Variants in PCDHA5 observed in about 807,000 individuals in gnomAD.
PCDHA5 encodes protocadherin alpha 5.
PCDHA5 carries 43 observed loss-of-function variants against 61.6 expected under a neutral mutation model. The ratio of observed to expected loss-of-function variants is 0.70; its 90% CI spans 0.55 to 0.90. The LOEUF (loss-of-function observed/expected upper bound fraction) is 0.90. PCDHA5 is among the 40% of genes least tolerant of loss of function. The pLI, the probability that PCDHA5 is intolerant of heterozygous loss-of-function variation, is 0.00. For missense variants in PCDHA5, 1,298 were observed against 1,222.7 expected (o/e 1.06, Z -0.92); for synonymous variants, 627 against 543.9 (o/e 1.15, Z -2.13).
In PCDHA5 at chr5:140,870,897, G is replaced by A. The variant is rs372076650; in HGVS notation, c.2352+46770G>A. 4 of 1,613,942 alleles carry A rather than the reference G, an allele frequency of 2.5e-6. No individual in the cohort carries two copies. In the African/African-American group the frequency reaches 4.0e-5, roughly 16 times the overall value. Reference sequence around the variant, plus strand: ...TGGCGAAGGTGCGCGCAGTGGATGCGGACTCAGGCTACAACGCGTGGCTTT... The same window carrying A: ...TGGCGAAGGTGCGCGCAGTGGATGCAGACTCAGGCTACAACGCGTGGCTTT... On this transcript the variant is annotated intron_variant, in intron 1 of 3. Coordinates refer to ENST00000529859, the MANE Select transcript of PCDHA5 (RefSeq NM_018908.3).
intron 3 of PCDHA5, among the ~76,000 whole-genome samples, chr5:141,000,955 T>G (rs1237087024): frequency 6.6e-6 from 1 of 152,210 alleles, no homozygotes; most frequent in Non-Finnish European, 1.5e-5. Flanking sequence ...CTTGCTGTAA[T>G]TTAAGCCTTC....
At chr5:140,919,488 T>C (rs149191060) in intron 1 of PCDHA5, among the ~76,000 whole-genome samples, 58 of 152,320 alleles carry the variant, frequency 3.8e-4, no homozygotes, top group African/African-American at 1.3e-3. Context: ...TTTATGTTTG[T>C]TATTTTACTC....
intron 1 of PCDHA5, among the ~76,000 whole-genome samples, chr5:140,950,472 T>C (rs782525513): frequency 2.0e-5 from 3 of 152,084 alleles, no homozygotes; most frequent in East Asian, 1.9e-4. Context: ...TCATAGTTTC[T>C]GATGAGAAGT....
chr5:140,921,251 AG>A (rs2080121821), intron 1 of PCDHA5, among the ~76,000 whole-genome samples: 1 of 152,192 alleles, frequency 6.6e-6, no homozygotes. Context: ...CAGATCAAAA[AG>A]TCCTAGACTT....
At chr5:140,837,739 G>A (rs1207886086) in intron 1 of PCDHA5, among the ~76,000 whole-genome samples, 2 of 151,316 alleles carry the variant, frequency 1.3e-5, no homozygotes, top group Non-Finnish European at 2.9e-5. Flanking sequence ...TGCAGTGGTG[G>A]GATTATAGCC....
chr5:140,863,011 C>T (rs782711409), intron 1 of PCDHA5: 2 of 552,132 alleles, frequency 3.6e-6, no homozygotes, highest in Admixed American at 1.9e-5. Flanking sequence ...CCAGCTATGA[C>T]GCCTGGTTGT....
intron 1 of PCDHA5, chr5:140,857,488 C>T: frequency 6.3e-7 from 1 of 1,598,442 alleles, no homozygotes; most frequent in Non-Finnish European, 8.6e-7. Flanking sequence ...CTGCGTGGGA[C>T]GCGGACGCGC....
intron 1 of PCDHA5, chr5:140,853,757 T>G: frequency 1.0e-6 from 1 of 988,514 alleles, no homozygotes; most frequent in East Asian, 1.1e-4. Context: ...AGGCTCCACC[T>G]CAGAAATTCT....
intron 1 of PCDHA5, chr5:140,884,812 G>A: frequency 9.0e-7 from 1 of 1,117,104 alleles, no homozygotes; most frequent in Non-Finnish European, 1.2e-6. Flanking sequence ...ACTCTGCTGT[G>A]GACATTATGT....
rs549701659 is a variant in PCDHA5 at position 140,937,333 on chromosome 5, G to C, written c.2353-41616G>C. On this transcript the variant is annotated intron_variant, in intron 1 of 3. Transcript: ENST00000529859. ...ATTACAGGCGTGAGCCACCGCGCCCGGCTTCTTCCATTTATTTTATTATTT... is the reference window on the plus strand; with the variant it reads ...ATTACAGGCGTGAGCCACCGCGCCCCGCTTCTTCCATTTATTTTATTATTT... Among the ~76,000 whole-genome samples the C allele has an allele frequency of 2.8e-3, 423 of 151,952 alleles. 2 individuals carry two copies. Among genetic ancestry groups the C allele is most frequent in the Middle Eastern group, 0.014 (4 of 294 alleles).
chr5:140,853,619 G>A lies in PCDHA5; in HGVS notation c.2352+29492G>A. 2 of 988,316 alleles carry A rather than the reference G, an allele frequency of 2.0e-6. 1 individual carries two copies. Among genetic ancestry groups the A allele is most frequent in the Non-Finnish European group, 2.4e-6 (2 of 820,378 alleles). 61.2% of individuals were successfully genotyped at this position (988,316 alleles called of 1,614,324 possible). ...AGAGCAAAGGGGGTGCTGTAAATAA[G>A]TATACAAGATCACAGACCTAAATTG... On this transcript the variant is annotated intron_variant, in intron 1 of 3. Transcript: ENST00000529859.
At chr5:140,828,316 G>A (rs1554131197) in intron 1 of PCDHA5, 2 of 1,614,208 alleles carry the variant, frequency 1.2e-6, no homozygotes, top group Admixed American at 3.3e-5. Context: ...AGGACCTTCT[G>A]GAGGTAAATC....
intron 1 of PCDHA5, among the ~76,000 whole-genome samples, chr5:140,932,531 G>A (rs1379233805): frequency 4.6e-5 from 7 of 151,752 alleles, no homozygotes; most frequent in Non-Finnish European, 8.9e-5. Context: ...TGGCATTCAA[G>A]GTGCTTTATT....
At chr5:140,828,278 C>A (rs1158544001) in intron 1 of PCDHA5, 4 of 1,613,994 alleles carry the variant, frequency 2.5e-6, no homozygotes, top group Non-Finnish European at 3.4e-6. Flanking sequence ...GGTGCCGCGC[C>A]TGTTCAGGAT....
At chr5:140,900,177 A>G (rs1213706705) in intron 1 of PCDHA5, among the ~76,000 whole-genome samples, 1 of 152,194 alleles carries the variant, frequency 6.6e-6, no homozygotes, top group South Asian at 2.1e-4. Context: ...TGCCTGGTTT[A>G]TGTCACTTAT....
rs17119229 is a variant in PCDHA5, at chr5:140,842,497, T to C, written c.2352+18370T>C. ...AGGTGACCTGCTCCCTGATGCCCCA[T>C]GTCCCCTTCAAGCTGGTGTCCACCT... is the stretch of plus-strand genomic sequence containing the variant. On this transcript the variant is annotated intron_variant, in intron 1 of 3. Transcript: ENST00000529859. 27 of 1,613,862 alleles carry C rather than the reference T, an allele frequency of 1.7e-5. No homozygotes were observed. The South Asian group carries it at 1.8e-4, about 11-fold the overall frequency.
intron 3 of PCDHA5, among the ~76,000 whole-genome samples, chr5:141,008,824 T>C (rs1042258496): frequency 6.6e-6 from 1 of 152,186 alleles, no homozygotes; most frequent in African/African-American, 2.4e-5. Flanking sequence ...TACAACAGGA[T>C]TCCATCCTCT....
intron 1 of PCDHA5, chr5:140,824,454 A>C (rs1268614425): frequency 3.2e-5 from 14 of 439,740 alleles, no homozygotes; most frequent in Non-Finnish European, 5.2e-5. Context: ...ACTACATGAA[A>C]ATTTATTTTA....
chr5:140,875,271 C>T, intron 1 of PCDHA5: 1 of 1,256,488 alleles, frequency 8.0e-7, no homozygotes, highest in Non-Finnish European at 1.1e-6. Flanking sequence ...GCTCTACACT[C>T]AGAAGGTGAA....
Sources: gnomAD v4.1 joint callset for allele counts (sites outside exome capture counted in the v4.1 genomes callset) on GRCh38, gnomAD v4.1.1 for gene constraint, MANE v1.5 for transcripts, NCBI Gene and HGNC (gene_info 2026-07-23, HGNC 2026-07-21) for gene names.